The following C2orf76 variants were observed in gnomAD, a reference collection of about 807,000 sequenced individuals.
C2orf76 encodes chromosome 2 open reading frame 76.
A neutral mutation model predicts 16.9 loss-of-function variants in C2orf76; 23 were observed. The observed-to-expected ratio is 1.36, with a 90% confidence interval of 0.98 to 1.93. The LOEUF is 1.93. Among genes scored for constraint, C2orf76 ranks in the 30% most tolerant of loss-of-function variants. The pLI is 0.00. For missense variants in C2orf76, 152 were observed against 152.6 expected, an observed-to-expected ratio of 1.00 and a Z score of 0.02; for synonymous variants, 48 against 52.3, an observed-to-expected ratio of 0.92 and a Z score of 0.35.
chr2:119,364,120 G>C (rs1036762371), intron 1 of C2orf76, among the ~76,000 whole-genome samples: 1 of 152,028 alleles, frequency 6.6e-6, no homozygotes, highest in Non-Finnish European at 1.5e-5. Flanking sequence ...AGGGAGAGGA[G>C]AGAGGAGAGA....
At chr2:119,312,574 A>G (rs1008053491) in intron 4 of C2orf76, among the ~76,000 whole-genome samples, 3 of 152,200 alleles carry the variant, frequency 2.0e-5, no homozygotes, top group Admixed American at 6.5e-5. Flanking sequence ...AACGGCCAGA[A>G]GTCCACATAT....
At chr2:119,314,081 GTGAA>G (rs1465064116) in intron 4 of C2orf76, among the ~76,000 whole-genome samples, 16 of 134,380 alleles carry the variant, frequency 1.2e-4, no homozygotes, top group Admixed American at 3.2e-4. Context: ...AAATAAGTTA[GTGAA>G]TGAAGTAAAA....
chr2:119,313,626 T>C (rs1679070914), intron 4 of C2orf76, among the ~76,000 whole-genome samples: 2 of 151,866 alleles, frequency 1.3e-5, no homozygotes, highest in Admixed American at 1.3e-4. Flanking sequence ...ATAAGTAATA[T>C]CTACTCATTA....
chr2:119,352,135 A>C (rs1040063148), intron 1 of C2orf76, among the ~76,000 whole-genome samples: 3 of 152,180 alleles, frequency 2.0e-5, no homozygotes, highest in East Asian at 3.8e-4. Flanking sequence ...GCACTGACTG[A>C]CCTTCCGTCA....
At chr2:119,310,699 C>T (rs974939431) in intron 5 of C2orf76, among the ~76,000 whole-genome samples, 6 of 152,150 alleles carry the variant, frequency 3.9e-5, no homozygotes, top group African/African-American at 1.4e-4. Flanking sequence ...TAGTGAAACC[C>T]TGTCTCTACT....
intron 2 of C2orf76, among the ~76,000 whole-genome samples, chr2:119,330,123 C>A (rs1475118635): frequency 6.6e-6 from 1 of 152,156 alleles, no homozygotes; most frequent in Non-Finnish European, 1.5e-5. Context: ...TCTGTAATCT[C>A]AGCACTTTGG....
rs571225486 is a variant in C2orf76, at chr2:119,329,333, T to C, written c.134-8129A>G. Among the ~76,000 whole-genome samples, 13 of 152,332 alleles carry C rather than the reference T, an allele frequency of 8.5e-5. No homozygotes were observed. In the South Asian group the frequency reaches 1.5e-3, roughly 17 times the overall value. On this transcript the variant is annotated intron_variant, in intron 2 of 5. Coordinates refer to ENST00000334816, the MANE Select transcript of C2orf76 (RefSeq NM_001322331.2). ...CTTCATCTGATACTAATACAGTCCC[T>C]CCACTTTTCTTTGGATTCATATCAG...
At chr2:119,337,404 T>C (rs910102757) in intron 2 of C2orf76, among the ~76,000 whole-genome samples, 4 of 152,142 alleles carry the variant, frequency 2.6e-5, no homozygotes. Context: ...TTCCTTAGTT[T>C]CTTCACCTGT....
At chr2:119,293,112 T>A in the C2orf76 span, among the ~76,000 whole-genome samples, 1 of 152,296 alleles carries the variant, frequency 6.6e-6, no homozygotes, top group East Asian at 1.9e-4. Flanking sequence ...CCCAGAAACA[T>A]CCCTGCTGGC....
the C2orf76 span, among the ~76,000 whole-genome samples, chr2:119,286,224 CAAA>C: frequency 8.2e-3 from 495 of 60,376 alleles, 2 homozygotes; most frequent in African/African-American, 0.026. Flanking sequence ...GACTCCATCT[CAAA>C]AAAAAAAAAA....
Position 119,302,231 on chromosome 2 carries a change from T to G in C2orf76, c.*241A>C. On this transcript the variant is annotated 3_prime_UTR_variant, in exon 6 of 6. Transcript: ENST00000334816. Reference sequence around the variant, plus strand: ...AAGAATCAATATTCCACAATAATTTTTAATAACAATTTATTTCCCTTTAAA... The same window carrying G: ...AAGAATCAATATTCCACAATAATTTGTAATAACAATTTATTTCCCTTTAAA... The G allele has an allele frequency of 3.2e-6, 1 of 316,582 alleles. No homozygotes were observed. The highest frequency in any genetic ancestry group is 5.7e-6 in the Non-Finnish European group (1 of 174,308). 19.6% of individuals were successfully genotyped at this position (316,582 alleles called of 1,614,324 possible).
chr2:119,283,739 T>G, the C2orf76 span, among the ~76,000 whole-genome samples: 3 of 152,188 alleles, frequency 2.0e-5, no homozygotes, highest in African/African-American at 7.2e-5. Context: ...CCTCCCAAAG[T>G]GCTTGGATTA....
intron 1 of C2orf76, among the ~76,000 whole-genome samples, chr2:119,347,895 T>C (rs1037713687): frequency 3.3e-5 from 5 of 151,956 alleles, no homozygotes; most frequent in South Asian, 2.1e-4. Context: ...GAAATTGACA[T>C]TGATACAAGC....
At chr2:119,286,467 G>C in the C2orf76 span, among the ~76,000 whole-genome samples, 1 of 152,062 alleles carries the variant, frequency 6.6e-6, no homozygotes, top group Non-Finnish European at 1.5e-5. Context: ...GTGGCAGCAT[G>C]GTGTGCCCAG....
Position 119,354,419 on chromosome 2 carries a change from G to T in C2orf76, c.-13+12371C>A, listed in dbSNP as rs375414354. 4.6e-5 allele frequency among the ~76,000 whole-genome samples: 7 copies of T among 152,334 alleles called. No homozygotes were observed. The South Asian group carries it at 1.4e-3, about 32-fold the overall frequency. On this transcript the variant is annotated intron_variant, in intron 1 of 5. Transcript: ENST00000334816. ...ACGCTCCTGTAAGCCCAGCTACTGGGAGGTTGAGGCACGAGAATCGCCTGA... is the reference window on the plus strand; with the variant it reads ...ACGCTCCTGTAAGCCCAGCTACTGGTAGGTTGAGGCACGAGAATCGCCTGA...
intron 1 of C2orf76, among the ~76,000 whole-genome samples, chr2:119,345,588 G>A (rs955309196): frequency 7.2e-5 from 11 of 152,136 alleles, no homozygotes; most frequent in African/African-American, 2.7e-4. Flanking sequence ...TCATTCTGGA[G>A]GCTAACAAGG....
intron 2 of C2orf76, among the ~76,000 whole-genome samples, chr2:119,330,973 C>T (rs1208792542): frequency 2.6e-5 from 4 of 152,038 alleles, no homozygotes; most frequent in Non-Finnish European, 5.9e-5. Flanking sequence ...TCTCCATCAT[C>T]TTTGTTTACT....
chr2:119,290,765 G>A, the C2orf76 span, among the ~76,000 whole-genome samples: 4 of 152,120 alleles, frequency 2.6e-5, no homozygotes, highest in African/African-American at 4.8e-5. Context: ...GGGAGGCGGA[G>A]GTTGCGGTGA....
chr2:119,343,710 G>A (rs1452143733), intron 1 of C2orf76, among the ~76,000 whole-genome samples: 2 of 152,156 alleles, frequency 1.3e-5, no homozygotes, highest in African/African-American at 2.4e-5. Context: ...AGGCAGGGAG[G>A]TGGAGGTTGC....
Sources: gnomAD v4.1 joint callset for allele counts (sites outside exome capture counted in the v4.1 genomes callset) on GRCh38, gnomAD v4.1.1 for gene constraint, MANE v1.5 for transcripts, NCBI Gene and HGNC (gene_info 2026-07-23, HGNC 2026-07-21) for gene names.